Variants in NTN1 observed in about 807,000 individuals in gnomAD.
NTN1 encodes the protein netrin 1, also known as netrin-1.
A neutral mutation model predicts 54.2 loss-of-function variants in NTN1; 11 were observed. The ratio of observed to expected loss-of-function variants is 0.20; its 90% CI spans 0.13 to 0.34. The LOEUF (loss-of-function observed/expected upper bound fraction) is 0.34, where lower values mean the gene tolerates loss of function less well. Ranked by LOEUF, NTN1 falls within the 10% of genes least tolerant of loss-of-function variation. The pLI is 1.00. For synonymous variants in NTN1, 371 were observed against 382.0 expected (o/e 0.97, Z 0.33); for missense variants, 740 against 893.1 (o/e 0.83, Z 2.18).
At chr17:9,129,539 C>G (rs754993783) in intron 2 of NTN1, among the ~76,000 whole-genome samples, 14 of 152,202 alleles carry the variant, frequency 9.2e-5, no homozygotes, top group Non-Finnish European at 1.9e-4. Flanking sequence ...AAGTTCTGTT[C>G]AGGCTAAAGC....
chr17:9,101,711 A>T (rs2092150949), intron 2 of NTN1, among the ~76,000 whole-genome samples: 1 of 152,216 alleles, frequency 6.6e-6, no homozygotes, highest in Admixed American at 6.5e-5. Flanking sequence ...CACCTAAAAC[A>T]TAAGGGGTGG....
chr17:9,210,654 C>G (rs1204401258), intron 5 of NTN1, among the ~76,000 whole-genome samples: 2 of 152,120 alleles, frequency 1.3e-5, no homozygotes, highest in African/African-American at 2.4e-5. Context: ...CATCTGTAAT[C>G]CCAACACTTT....
the NTN1 span, among the ~76,000 whole-genome samples, chr17:9,012,631 G>T: frequency 6.6e-6 from 1 of 151,724 alleles, no homozygotes; most frequent in Admixed American, 6.6e-5. Flanking sequence ...TGTCCCCAGA[G>T]CTTCCTTCCT....
the NTN1 span, among the ~76,000 whole-genome samples, chr17:9,012,382 A>T: frequency 1.3e-5 from 2 of 152,056 alleles, no homozygotes; most frequent in Admixed American, 1.3e-4. Flanking sequence ...GTGGTGGCGG[A>T]TGCCTGTAGT....
intron 6 of NTN1, among the ~76,000 whole-genome samples, chr17:9,222,892 G>T (rs1371063833): frequency 6.6e-6 from 1 of 152,208 alleles, no homozygotes; most frequent in African/African-American, 2.4e-5. Flanking sequence ...TTGTGTGTGT[G>T]TGTGTATGTG....
chr17:9,007,727 TCTTG>T, the NTN1 span, among the ~76,000 whole-genome samples: 366 of 151,188 alleles, frequency 2.4e-3, 2 homozygotes, highest in African/African-American at 8.2e-3. Context: ...TTTCTTTCTT[TCTTG>T]CTTGCTTGCT....
chr17:9,204,354 C>T (rs368712455), intron 5 of NTN1, among the ~76,000 whole-genome samples: 5 of 151,822 alleles, frequency 3.3e-5, no homozygotes, highest in African/African-American at 9.7e-5. Flanking sequence ...AGTGCAGTGG[C>T]GCCATGTCAG....
At chr17:9,187,378 G>A (rs1337444097) in intron 5 of NTN1, among the ~76,000 whole-genome samples, 1 of 152,074 alleles carries the variant, frequency 6.6e-6, no homozygotes, top group Non-Finnish European at 1.5e-5. Flanking sequence ...AAGCAGAGAG[G>A]TAAGAACTAG....
At chr17:9,151,953 T>C (rs186853242) in intron 2 of NTN1, among the ~76,000 whole-genome samples, 16 of 151,908 alleles carry the variant, frequency 1.1e-4, no homozygotes, top group Admixed American at 1.0e-3. Flanking sequence ...TCAGCCCGAG[T>C]CTAAAAGTAG....
At chr17:9,075,347 C>T (rs1009936067) in intron 2 of NTN1, among the ~76,000 whole-genome samples, 1 of 151,834 alleles carries the variant, frequency 6.6e-6, no homozygotes. Flanking sequence ...CTGGGCATGG[C>T]GGTGGGCACC....
intron 2 of NTN1, among the ~76,000 whole-genome samples, chr17:9,114,158 A>T (rs1326347967): frequency 0.023 from 2,147 of 94,276 alleles, 59 homozygotes; most frequent in African/African-American, 0.075. Flanking sequence ...AAAAAGAAAA[A>T]AAAAAAAAAT....
intron 2 of NTN1, among the ~76,000 whole-genome samples, chr17:9,109,507 A>G (rs1270212819): frequency 6.6e-6 from 1 of 152,222 alleles, no homozygotes. Context: ...CATTGTATAA[A>G]CAAGCTACAA....
chr17:9,239,520 G>C lies in NTN1; in HGVS notation c.1487-120G>C. On this transcript the variant is annotated intron_variant, in intron 6 of 6. Coordinates refer to ENST00000173229, the MANE Select transcript of NTN1 (RefSeq NM_004822.3). The surrounding 1 kb of genome is among the most constrained non-coding windows in gnomAD (Gnocchi z 5.2). Reference sequence around the variant, plus strand: ...GCCACCACCCACGCGCTCCTGTATGGGCCACTCTGTGCAGTCACTTCCTGG... The same window carrying C: ...GCCACCACCCACGCGCTCCTGTATGCGCCACTCTGTGCAGTCACTTCCTGG... The C allele has an allele frequency of 1.1e-6, 1 of 948,338 alleles. No homozygotes were observed. Among genetic ancestry groups the C allele is most frequent in the African/African-American group, 1.6e-5 (1 of 61,664 alleles). The allele number at this position is 948,338 out of a possible 1,614,324, so 58.7% of individuals were successfully genotyped here. A position where few individuals can be genotyped will look rare whatever the true frequency, so the allele number is the denominator to read the frequency against.
chr17:9,229,434 C>T (rs3785994), intron 6 of NTN1, among the ~76,000 whole-genome samples: 71,024 of 151,726 alleles, frequency 0.47, 16,677 homozygotes, highest in East Asian at 0.62. Context: ...GTCAATAGGA[C>T]GCTGAGACTC....
At chr17:9,067,445 A>G (rs995255316) in intron 2 of NTN1, among the ~76,000 whole-genome samples, 2 of 152,212 alleles carry the variant, frequency 1.3e-5, no homozygotes, top group Non-Finnish European at 2.9e-5. Flanking sequence ...TGTTACAATA[A>G]GATAACAGTT....
At chr17:9,031,172 G>A (rs2091887278) in intron 2 of NTN1, among the ~76,000 whole-genome samples, 1 of 152,146 alleles carries the variant, frequency 6.6e-6, no homozygotes, top group Non-Finnish European at 1.5e-5. Flanking sequence ...CTCTAAAGGG[G>A]CTGGCTTTAA....
At chr17:9,196,521 G>A (rs1275509692) in intron 5 of NTN1, among the ~76,000 whole-genome samples, 1 of 152,248 alleles carries the variant, frequency 6.6e-6, no homozygotes, top group Non-Finnish European at 1.5e-5. Flanking sequence ...TCCTAAAGCT[G>A]TTTGTGCGGC....
chr17:9,044,883 A>G (rs1356694890), intron 2 of NTN1, among the ~76,000 whole-genome samples: 3 of 152,246 alleles, frequency 2.0e-5, no homozygotes, highest in African/African-American at 7.2e-5. Context: ...GGGGGTCACA[A>G]AACAGTATGC....
chr17:9,132,635 G>A (rs775388390), intron 2 of NTN1, among the ~76,000 whole-genome samples: 2 of 152,100 alleles, frequency 1.3e-5, no homozygotes, highest in African/African-American at 2.4e-5. Context: ...ACCACTTTGG[G>A]GGGCTGAGGC....
Sources: gnomAD v4.1 joint callset for allele counts (sites outside exome capture counted in the v4.1 genomes callset) on GRCh38, gnomAD v4.1.1 for gene constraint, Gnocchi (gnomAD v3.1) non-coding constraint, MANE v1.5 for transcripts, NCBI Gene and HGNC (gene_info 2026-07-23, HGNC 2026-07-21) for gene names.